The following STMN2 variants were observed in gnomAD, a reference collection of about 807,000 sequenced individuals.
STMN2 encodes the protein stathmin 2, also known as stathmin-2.
Under a neutral mutation model 24.1 loss-of-function variants are expected in STMN2, and 2 were observed. The observed-to-expected ratio is 0.08, with a 90% CI of 0.03 to 0.26. The LOEUF (loss-of-function observed/expected upper bound fraction) is 0.26, where lower values mean the gene tolerates loss of function less well. STMN2 is among the 10% of genes least tolerant of loss of function. The pLI is 1.00. For missense variants in STMN2, 114 were observed against 213.6 expected, an observed-to-expected ratio of 0.53 and a Z score of 2.91; for synonymous variants, 83 against 77.5, an observed-to-expected ratio of 1.07 and a Z score of -0.37.
At chr8:79,632,951 A>G (rs1042783318) in intron 1 of STMN2, among the ~76,000 whole-genome samples, 12 of 152,238 alleles carry the variant, frequency 7.9e-5, no homozygotes, top group Admixed American at 2.6e-4. Context: ...CAAAGTGTTC[A>G]GTGGCTCCGA....
chr8:79,664,431 A>C (rs1183287952), intron 4 of STMN2, among the ~76,000 whole-genome samples: 2 of 152,200 alleles, frequency 1.3e-5, no homozygotes, highest in Non-Finnish European at 2.9e-5. Flanking sequence ...GCCCTCCCAG[A>C]GTGTCCATCA....
intron 4 of STMN2, among the ~76,000 whole-genome samples, chr8:79,656,529 C>T (rs1178801198): frequency 6.6e-6 from 1 of 152,134 alleles, no homozygotes; most frequent in Non-Finnish European, 1.5e-5. Flanking sequence ...GAGCAAAGTT[C>T]CATTTGCTAA....
At chr8:79,611,249 C>T (rs1266304070) in intron 1 of STMN2, 35 bp downstream of exon 1, 2 of 1,613,144 alleles carry the variant, frequency 1.2e-6, no homozygotes, top group Non-Finnish European at 1.7e-6. Flanking sequence ...GTCGGCTCTA[C>T]CTGGAGCCCA....
chr8:79,615,354 A>T (rs1157494022), intron 1 of STMN2, among the ~76,000 whole-genome samples: 1 of 152,242 alleles, frequency 6.6e-6, no homozygotes, highest in Non-Finnish European at 1.5e-5. Context: ...CTCAGAGCAC[A>T]AACCTAGGCC....
intron 1 of STMN2, among the ~76,000 whole-genome samples, chr8:79,631,106 T>A (rs1174476719): frequency 1.3e-5 from 2 of 152,200 alleles, no homozygotes; most frequent in African/African-American, 4.8e-5. Flanking sequence ...CAGCAGGAGC[T>A]TTAACTGGAA....
chr8:79,624,560 A>G (rs1388502867), intron 1 of STMN2, among the ~76,000 whole-genome samples: 1 of 152,094 alleles, frequency 6.6e-6, no homozygotes, highest in Non-Finnish European at 1.5e-5. Flanking sequence ...AAGAATAAAA[A>G]CCTGTCCACT....
intron 1 of STMN2, among the ~76,000 whole-genome samples, chr8:79,634,088 C>G (rs1809880263): frequency 2.0e-5 from 3 of 152,138 alleles, no homozygotes; most frequent in Admixed American, 6.5e-5. Context: ...TAATATGCTT[C>G]ATGTGTTTCT....
intron 1 of STMN2, among the ~76,000 whole-genome samples, chr8:79,631,669 T>C (rs1809804631): frequency 6.6e-6 from 1 of 152,194 alleles, no homozygotes; most frequent in Non-Finnish European, 1.5e-5. Flanking sequence ...AAAATGAAAT[T>C]ATTTTGGTCT....
intron 2 of STMN2, among the ~76,000 whole-genome samples, chr8:79,639,677 G>C (rs1810047249): frequency 6.6e-6 from 1 of 152,058 alleles, no homozygotes; most frequent in Admixed American, 6.5e-5. Flanking sequence ...GAAAATAAGT[G>C]GCTAACCATT....
chr8:79,636,088 G>A (rs1202142481), intron 1 of STMN2, among the ~76,000 whole-genome samples: 3 of 151,946 alleles, frequency 2.0e-5, no homozygotes, highest in African/African-American at 2.4e-5. Flanking sequence ...ATGGTGGAGC[G>A]CACCTGTAGT....
At chr8:79,631,650 G>A (rs138722486) in intron 1 of STMN2, among the ~76,000 whole-genome samples, 1 of 152,262 alleles carries the variant, frequency 6.6e-6, no homozygotes, top group African/African-American at 2.4e-5. Flanking sequence ...TAGTATGTAA[G>A]AAGTGTTCAA....
chr8:79,633,049 T>A (rs2130338642), intron 1 of STMN2, among the ~76,000 whole-genome samples: 1 of 152,320 alleles, frequency 6.6e-6, no homozygotes, highest in African/African-American at 2.4e-5. Flanking sequence ...GCCGGGTACA[T>A]AATCTGCTGT....
chr8:79,663,910 G>C (rs1394159083), intron 4 of STMN2, among the ~76,000 whole-genome samples: 1 of 152,032 alleles, frequency 6.6e-6, no homozygotes. Context: ...CTAGTACCTT[G>C]GTTCCTTATG....
At chr8:79,634,412 A>G (rs544089134) in intron 1 of STMN2, among the ~76,000 whole-genome samples, 2 of 152,330 alleles carry the variant, frequency 1.3e-5, no homozygotes, top group East Asian at 3.9e-4. Context: ...CAGGACTTTT[A>G]TGGCACAGGA....
intron 4 of STMN2, among the ~76,000 whole-genome samples, chr8:79,658,827 T>G (rs185965248): frequency 6.6e-6 from 1 of 152,308 alleles, no homozygotes; most frequent in East Asian, 1.9e-4. Context: ...CCATGTTAGC[T>G]CAAAGCCTTT....
At chr8:79,640,622 G>A (rs1291701254) in intron 2 of STMN2, among the ~76,000 whole-genome samples, 3 of 152,162 alleles carry the variant, frequency 2.0e-5, no homozygotes, top group Non-Finnish European at 4.4e-5. Flanking sequence ...CATTACAATG[G>A]GGTGTTGTCT....
chr8:79,630,500 C>T (rs1415897605), intron 1 of STMN2, among the ~76,000 whole-genome samples: 1 of 152,102 alleles, frequency 6.6e-6, no homozygotes, highest in Admixed American at 6.5e-5. Context: ...CACTGGTGAC[C>T]AAAACATTTG....
intron 3 of STMN2, among the ~76,000 whole-genome samples, chr8:79,652,889 T>C (rs942556699): frequency 6.6e-6 from 1 of 152,130 alleles, no homozygotes; most frequent in African/African-American, 2.4e-5. Context: ...ATAAGCAAAG[T>C]CTGTGTAGGA....
At chr8:79,633,092 C>A (rs1377362401) in intron 1 of STMN2, among the ~76,000 whole-genome samples, 1 of 152,094 alleles carries the variant, frequency 6.6e-6, no homozygotes, top group South Asian at 2.1e-4. Flanking sequence ...GTTTGTTTCC[C>A]GATGACATAC....
Sources: allele counts gnomAD v4.1 joint callset (sites outside exome capture counted in the v4.1 genomes callset), GRCh38; gene constraint gnomAD v4.1.1; transcripts MANE v1.5; gene names NCBI Gene and HGNC (gene_info 2026-07-23, HGNC 2026-07-21).